Variants in KIRREL3 observed in about 807,000 individuals in gnomAD.
KIRREL3 encodes the protein kirre like nephrin family adhesion molecule 3.
KIRREL3 carries 36 observed loss-of-function variants against 89.7 expected under a neutral mutation model. That is an observed-to-expected ratio of 0.40 (90% CI 0.31 to 0.53). The LOEUF is 0.53. Among genes scored for constraint, KIRREL3 ranks in the 20% least tolerant of loss-of-function variants. KIRREL3 has a pLI of 0.49. For missense variants in KIRREL3, 864 were observed against 1,056.6 expected (o/e 0.82, Z 2.53); for synonymous variants, 445 against 441.4 (o/e 1.01, Z -0.10).
chr11:126,427,531 G>A lies in KIRREL3; in HGVS notation c.1806+1648C>T, dbSNP rs1190907339. Among the ~76,000 whole-genome samples the A allele has an allele frequency of 3.9e-5, 6 of 152,326 alleles. No individual in the cohort carries two copies. The South Asian group carries it at 6.2e-4, about 16-fold the overall frequency. On this transcript the variant is annotated intron_variant, in intron 15 of 16. Coordinates refer to ENST00000525144, the MANE Select transcript of KIRREL3 (RefSeq NM_032531.4). This position sits in a 1 kb window ranked among gnomAD's most constrained non-coding sequence, Gnocchi z 5.3. ...AAATTAGCAGGCAGAGAGAACAGCCGGTGCACAGGCCTTTGAAGTCCAAAA... is the reference window on the plus strand; with the variant it reads ...AAATTAGCAGGCAGAGAGAACAGCCAGTGCACAGGCCTTTGAAGTCCAAAA...
At chr11:126,448,887 C>G in intron 8 of KIRREL3, 122 bp downstream of exon 8, 1 of 1,056,046 alleles carries the variant, frequency 9.5e-7, no homozygotes, top group Non-Finnish European at 1.3e-6. Context: ...TGCAAACCAT[C>G]CTACGCTCAT....
In KIRREL3 at chr11:126,696,038, G is replaced by A. The variant is rs567956984; in HGVS notation, c.56-133126C>T. On this transcript the variant is annotated intron_variant, in intron 1 of 16. Transcript: ENST00000525144. The surrounding 1 kb of genome is among the most constrained non-coding windows in gnomAD (Gnocchi z 4.4). ...GGAGGCTGAGGCGGGTGGATTACCTGAGGTCAGGAGTTCAAGACCAGCCTG... is the reference window on the plus strand; with the variant it reads ...GGAGGCTGAGGCGGGTGGATTACCTAAGGTCAGGAGTTCAAGACCAGCCTG... Among the ~76,000 whole-genome samples, 1 of 152,074 alleles carries A rather than the reference G, an allele frequency of 6.6e-6. No homozygotes were observed. The highest frequency in any genetic ancestry group is 2.1e-4 in the South Asian group (1 of 4,814).
intron 1 of KIRREL3, among the ~76,000 whole-genome samples, chr11:126,863,517 T>C (rs111211480): frequency 4.9e-5 from 4 of 81,116 alleles, no homozygotes; most frequent in African/African-American, 1.5e-4. Context: ...GCGTGTGTGT[T>C]TGAGTGCGTG....
Position 126,983,453 on chromosome 11 carries a change from T to C in KIRREL3, c.55+17002A>G, listed in dbSNP as rs537771474. On this transcript the variant is annotated intron_variant, in intron 1 of 16. Transcript: ENST00000525144. This position sits in a 1 kb window ranked among gnomAD's most constrained non-coding sequence, Gnocchi z 4.9. ...TACAGGACAAAAGGGATTTTGCAGA[T>C]GTAATTAAGTTAAGGTCTTGAGAGA... Among the ~76,000 whole-genome samples the C allele has an allele frequency of 6.6e-6, 1 of 152,344 alleles. No homozygotes were observed. The highest frequency in any genetic ancestry group is 1.9e-4 in the East Asian group (1 of 5,180).
rs376608174 is a variant in KIRREL3, at chr11:126,952,190, A to T, written c.55+48265T>A. Among the ~76,000 whole-genome samples the T allele has an allele frequency of 1.5e-3, 224 of 152,300 alleles. 2 individuals are homozygous for T. Among genetic ancestry groups the T allele is most frequent in the African/African-American group, 5.0e-3 (206 of 41,582 alleles). On this transcript the variant is annotated intron_variant, in intron 1 of 16. Transcript: ENST00000525144. Reference sequence around the variant, plus strand: ...CACCTGAGGTCAGGAGTTCGAGAGCAGCCTGGCCTACACAGTGAGACCCTG... The same window carrying T: ...CACCTGAGGTCAGGAGTTCGAGAGCTGCCTGGCCTACACAGTGAGACCCTG...
rs1313885144 is a variant in KIRREL3, at chr11:126,843,745, C to G, written c.55+156710G>C. Among the ~76,000 whole-genome samples, 1 of 152,128 alleles carries G rather than the reference C, an allele frequency of 6.6e-6. No individual in the cohort carries two copies. Among genetic ancestry groups the G allele is most frequent in the Non-Finnish European group, 1.5e-5 (1 of 68,004 alleles). On this transcript the variant is annotated intron_variant, in intron 1 of 16. Transcript: ENST00000525144. This position sits in a 1 kb window ranked among gnomAD's most constrained non-coding sequence, Gnocchi z 4.6. Reference sequence around the variant, plus strand: ...GGTCATGGAGACTTTGCTGATAAAACAGCTTACAGTAAAAAAGCTGGCTAA... The same window carrying G: ...GGTCATGGAGACTTTGCTGATAAAAGAGCTTACAGTAAAAAAGCTGGCTAA...
chr11:126,667,362 A>T (rs1244913484), intron 1 of KIRREL3, among the ~76,000 whole-genome samples: 2 of 152,248 alleles, frequency 1.3e-5, no homozygotes, highest in Non-Finnish European at 1.5e-5. Context: ...TGGCTGCTGG[A>T]GCAACAATAA....
intron 7 of KIRREL3, among the ~76,000 whole-genome samples, chr11:126,451,076 T>C (rs1248590151): frequency 1.3e-5 from 2 of 148,992 alleles, no homozygotes; most frequent in Non-Finnish European, 3.0e-5. Flanking sequence ...TGTGCATGTG[T>C]GTGCGTGTGT....
intron 1 of KIRREL3, among the ~76,000 whole-genome samples, chr11:126,695,979 C>T (rs928065612): frequency 1.3e-5 from 2 of 152,228 alleles, no homozygotes; most frequent in East Asian, 1.9e-4. Flanking sequence ...ATGAGTCGGG[C>T]GAGGTGGCTT....
rs147274876 is a variant in KIRREL3 at position 126,504,587 on chromosome 11, T to C, written c.433+16728A>G. Among the ~76,000 whole-genome samples the C allele has an allele frequency of 6.6e-5, 10 of 152,318 alleles. No individual in the cohort carries two copies. The East Asian group carries it at 1.9e-3, about 29-fold the overall frequency. ...CAGATGGCATCATTGGTGAATTCTA[T>C]CAAATAATATCAATCCTTTGTGAAA... is the stretch of plus-strand genomic sequence containing the variant. On this transcript the variant is annotated intron_variant, in intron 4 of 16. Coordinates refer to ENST00000525144, the MANE Select transcript of KIRREL3 (RefSeq NM_032531.4).
chr11:126,501,898 G>C lies in KIRREL3; in HGVS notation c.433+19417C>G, dbSNP rs1178182371. 6.6e-6 allele frequency among the ~76,000 whole-genome samples: 1 copy of C among 152,174 alleles called. No individual in the cohort carries two copies. The highest frequency in any genetic ancestry group is 2.4e-5 in the African/African-American group (1 of 41,440). ...ATACCAGTGACTTACATGCACCCAGGTGCCAAGGTAAGCACGGACGAGTGG... is the reference window on the plus strand; with the variant it reads ...ATACCAGTGACTTACATGCACCCAGCTGCCAAGGTAAGCACGGACGAGTGG... On this transcript the variant is annotated intron_variant, in intron 4 of 16. Transcript: ENST00000525144. The surrounding 1 kb of genome is among the most constrained non-coding windows in gnomAD (Gnocchi z 5.8).
In KIRREL3 at chr11:126,731,314, C is replaced by T. The variant is rs190469086; in HGVS notation, c.56-168402G>A. On this transcript the variant is annotated intron_variant, in intron 1 of 16. Transcript: ENST00000525144. ...ATCATGTTCTTCCATACCTCTGGGC[C>T]ACTGCCTAGGTCTCAAATGACCCTA... Among the ~76,000 whole-genome samples, 396 of 152,264 alleles carry T rather than the reference C, an allele frequency of 2.6e-3. 6 individuals are homozygous for T. Among genetic ancestry groups the T allele is most frequent in the Non-Finnish European group, 5.9e-4 (40 of 68,026 alleles).
At chr11:126,599,300 C>T (rs1035496118) in intron 1 of KIRREL3, among the ~76,000 whole-genome samples, 5 of 152,172 alleles carry the variant, frequency 3.3e-5, no homozygotes, top group Non-Finnish European at 5.9e-5. Context: ...TTGTCTCAGC[C>T]GCATTGTCCC....
rs1939855244 is a variant in KIRREL3, at chr11:126,558,286, C to T, written c.133+4549G>A. Among the ~76,000 whole-genome samples the T allele has an allele frequency of 6.6e-6, 1 of 152,212 alleles. No individual in the cohort carries two copies. On this transcript the variant is annotated intron_variant, in intron 2 of 16. Transcript: ENST00000525144. This position sits in a 1 kb window ranked among gnomAD's most constrained non-coding sequence, Gnocchi z 4.0. ...TTTCTGGTCCCCCAGGAATGGTCTT[C>T]TCTGGTCTGTGTCCCTCACTCCAGG...
At chr11:126,922,005 A>ATCTG (rs1428642102) in intron 1 of KIRREL3, among the ~76,000 whole-genome samples, 2 of 128,768 alleles carry the variant, frequency 1.6e-5, no homozygotes, top group East Asian at 4.4e-4. Context: ...CTATCTATCT[A>ATCTG]TCATCTATCT....
intron 1 of KIRREL3, among the ~76,000 whole-genome samples, chr11:126,726,195 G>T (rs925782845): frequency 1.3e-5 from 2 of 152,064 alleles, no homozygotes; most frequent in African/African-American, 4.8e-5. Context: ...GGACTTTCTT[G>T]TTTCTTAAAG....
In KIRREL3 at chr11:126,562,215, A is replaced by C. The variant is rs1363102401; in HGVS notation, c.133+620T>G. On this transcript the variant is annotated intron_variant, in intron 2 of 16. Coordinates refer to ENST00000525144, the MANE Select transcript of KIRREL3 (RefSeq NM_032531.4). The surrounding 1 kb of genome is among the most constrained non-coding windows in gnomAD (Gnocchi z 4.7). ...TTACAGCAGACCCGTAAGTGACAGC[A>C]CTCCTCCTCCCAGCCTCTATGCCAA... is the stretch of plus-strand genomic sequence containing the variant. Among the ~76,000 whole-genome samples the C allele has an allele frequency of 6.6e-6, 1 of 151,678 alleles. No individual in the cohort carries two copies. Among genetic ancestry groups the C allele is most frequent in the Non-Finnish European group, 1.5e-5 (1 of 67,920 alleles).
At chr11:126,793,334 A>T (rs1950705425) in intron 1 of KIRREL3, among the ~76,000 whole-genome samples, 1 of 152,216 alleles carries the variant, frequency 6.6e-6, no homozygotes, top group Non-Finnish European at 1.5e-5. Flanking sequence ...AGTGCTGAAC[A>T]GTGCAGGCAA....
In KIRREL3 at chr11:126,664,842, CA is replaced by C. The variant is rs1565631546; in HGVS notation, c.56-101931del. On this transcript the variant is annotated intron_variant, in intron 1 of 16. Transcript: ENST00000525144. The surrounding 1 kb of genome is among the most constrained non-coding windows in gnomAD (Gnocchi z 5.4). Reference sequence around the variant, plus strand: ...TCTATGAACCTCTTGTGCCCTTAGACAGGGGGGCATTCCCTGCCTCAACCAC... The same window carrying C: ...TCTATGAACCTCTTGTGCCCTTAGACGGGGGGCATTCCCTGCCTCAACCAC... Among the ~76,000 whole-genome samples, 1 of 152,214 alleles carries C rather than the reference CA, an allele frequency of 6.6e-6. No homozygotes were observed. The highest frequency in any genetic ancestry group is 1.5e-5 in the Non-Finnish European group (1 of 68,038).
Sources: gnomAD v4.1 joint callset for allele counts (sites outside exome capture counted in the v4.1 genomes callset) on GRCh38, gnomAD v4.1.1 for gene constraint, Gnocchi (gnomAD v3.1) non-coding constraint, MANE v1.5 for transcripts, NCBI Gene and HGNC (gene_info 2026-07-23, HGNC 2026-07-21) for gene names.